The following SEC14L5 variants were observed in gnomAD, a reference collection of about 807,000 sequenced individuals.
SEC14L5 encodes the protein SEC14 like lipid binding 5, also known as SEC14-like protein 5.
In SEC14L5, 96 loss-of-function variants were observed where a neutral mutation model predicts 84.6. That is an observed-to-expected ratio of 1.13 (90% CI 0.96 to 1.34). The LOEUF (loss-of-function observed/expected upper bound fraction) is 1.34, where lower values mean the gene tolerates loss of function less well. SEC14L5 is among the 40% of genes most tolerant of loss of function. The pLI is 0.00. For missense variants in SEC14L5, 1,224 were observed against 942.5 expected (o/e 1.30, Z -3.91); for synonymous variants, 546 against 383.4 (o/e 1.42, Z -4.95).
At chr16:5,003,619 G>C in intron 11 of SEC14L5, 46 bp downstream of exon 11, 4 of 277,692 alleles carry the variant, frequency 1.4e-5, no homozygotes, top group Non-Finnish European at 2.8e-5. Context: ...GGGTGGGTGG[G>C]ATGGGAGGGG....
In SEC14L5 at chr16:4,987,673, G is replaced by A. The variant is rs775726356; in HGVS notation, c.180G>A (p.Arg60=). Residue 60 remains arginine, a synonymous_variant, in exon 3 of 16, where the codon CGG becomes CGA. Transcript: ENST00000251170. ...TGCACGTGGTGGAGCGGAGCTGCCG[G>A]CTGCGCGTGGACGCCCCGCGGCTGC... ...GAVHVVERSC[R]LRVDAPRLLR... is the part of the protein sequence containing the mutation. 1 of 1,542,172 alleles carries A rather than the reference G, an allele frequency of 6.5e-7. No individual in the cohort carries two copies. The highest frequency in any genetic ancestry group is 8.7e-7 in the Non-Finnish European group (1 of 1,146,816).
chr16:4,990,391 G>C (rs1395079945), intron 4 of SEC14L5, among the ~76,000 whole-genome samples: 1 of 152,218 alleles, frequency 6.6e-6, no homozygotes, highest in African/African-American at 2.4e-5. Context: ...TCCAAGTCCT[G>C]ACCTCAAATG....
intron 2 of SEC14L5, among the ~76,000 whole-genome samples, chr16:4,971,126 G>C (rs74673766): frequency 0.018 from 2,692 of 150,112 alleles, 98 homozygotes; most frequent in African/African-American, 0.063. Context: ...GCTGACTTTG[G>C]TCCTGTTGCA....
intron 3 of SEC14L5, 33 bp from the exon 4 acceptor site, chr16:4,988,116 C>T: frequency 6.2e-7 from 1 of 1,609,004 alleles, no homozygotes; most frequent in Non-Finnish European, 8.5e-7. Context: ...ACGCCGCCCA[C>T]CCACCTCCGC....
chr16:4,996,539 G>A, intron 7 of SEC14L5, 79 bp downstream of exon 7: 1 of 731,154 alleles, frequency 1.4e-6, no homozygotes, highest in South Asian at 1.6e-5. Flanking sequence ...GGAAGGAAAG[G>A]CGAGATGATA....
Position 5,008,532 on chromosome 16 carries a change from G to A in SEC14L5, c.1684G>A (p.Ala562Thr), listed in dbSNP as rs544613783. 5.6e-6 allele frequency: 9 copies of A among 1,609,082 alleles called. No homozygotes were observed. The East Asian group carries it at 1.1e-4, about 20-fold the overall frequency. Residue 562 changes from alanine to threonine, a missense_variant, in exon 14 of 16, where the codon GCC (alanine) becomes ACC (threonine). Transcript: ENST00000251170. ...CACCAAGCAGGCGCCCAGGCTGGGC[G>A]CCCGGGAACCGGGGACCAGGGCCAG... ...YHTKQAPRLG[A>T]REPGTRASGQ...
intron 2 of SEC14L5, among the ~76,000 whole-genome samples, chr16:4,984,750 G>C (rs999688166): frequency 2.0e-5 from 3 of 152,182 alleles, no homozygotes; most frequent in African/African-American, 7.2e-5. Flanking sequence ...ATGTGAAGTG[G>C]TATTTCATTG....
At chr16:4,994,720 C>A (rs183119946) in intron 6 of SEC14L5, among the ~76,000 whole-genome samples, 7 of 151,860 alleles carry the variant, frequency 4.6e-5, no homozygotes, top group Admixed American at 1.3e-4. Flanking sequence ...CTCCTGCCCC[C>A]TCCTGTGCAC....
At chr16:4,996,035 A>G (rs1955604820) in intron 6 of SEC14L5, among the ~76,000 whole-genome samples, 1 of 152,066 alleles carries the variant, frequency 6.6e-6, no homozygotes, top group East Asian at 1.9e-4. Context: ...GTAAGCCCAT[A>G]TTGTTAAGAA....
chr16:5,001,711 C>T (rs374244488), intron 10 of SEC14L5, among the ~76,000 whole-genome samples: 7 of 152,172 alleles, frequency 4.6e-5, no homozygotes, highest in African/African-American at 1.4e-4. Flanking sequence ...CCAGTACTTA[C>T]GGTGGCATCG....
At chr16:4,975,474 A>AAG (rs1486241188) in intron 2 of SEC14L5, among the ~76,000 whole-genome samples, 2 of 148,996 alleles carry the variant, frequency 1.3e-5, no homozygotes, top group African/African-American at 2.5e-5. Context: ...CTCCATCTCA[A>AAG]AAAAAAAAAA....
At chr16:4,999,954 A>G (rs1211788274) in intron 8 of SEC14L5, among the ~76,000 whole-genome samples, 1 of 151,902 alleles carries the variant, frequency 6.6e-6, no homozygotes. Context: ...CCAACAGACA[A>G]AAAACACCAC....
intron 15 of SEC14L5, 37 bp from the exon 16 acceptor site, chr16:5,014,822 G>T: frequency 2.6e-6 from 4 of 1,530,518 alleles, no homozygotes; most frequent in Non-Finnish European, 3.6e-6. Flanking sequence ...CCTTGTCACT[G>T]TGAGAGGGTA....
intron 8 of SEC14L5, among the ~76,000 whole-genome samples, chr16:4,997,898 A>G (rs1025749535): frequency 6.6e-6 from 1 of 151,730 alleles, no homozygotes; most frequent in East Asian, 1.9e-4. Flanking sequence ...GCCTCTTCTC[A>G]TAAGGACCCC....
Position 4,996,954 on chromosome 16 carries a change from C to T in SEC14L5, c.880C>T (p.Gln294Ter). Residue 294 changes from glutamine (Q) to a stop codon, truncating the protein, a stop_gained, in exon 8 of 16, where the codon CAG (glutamine) becomes TAG (stop). Coordinates refer to ENST00000251170, the MANE Select transcript of SEC14L5 (RefSeq NM_014692.2). LOFTEE classifies it high-confidence loss of function. ...GCGCCAGTCCTTGAGCTGGCGCAAG[C>T]AGCACCAGGTGGATCTCCTCCTTCA... The part of the protein sequence containing the change: ...MLRQSLSWRK[Q>*]HQVDLLLQTW... The T allele has an allele frequency of 2.5e-6, 4 of 1,613,472 alleles. No individual in the cohort carries two copies. The highest frequency in any genetic ancestry group is 3.4e-6 in the Non-Finnish European group (4 of 1,179,536).
intron 2 of SEC14L5, among the ~76,000 whole-genome samples, chr16:4,961,618 T>A (rs1215979025): frequency 6.6e-6 from 1 of 152,216 alleles, no homozygotes; most frequent in Non-Finnish European, 1.5e-5. Flanking sequence ...GGTGACTCAC[T>A]GCATCCGGCC....
chr16:4,964,134 G>A (rs759999195), intron 2 of SEC14L5, among the ~76,000 whole-genome samples: 3 of 152,218 alleles, frequency 2.0e-5, no homozygotes, highest in Non-Finnish European at 2.9e-5. Context: ...TTGAATGCCC[G>A]GGTCCCAGAA....
chr16:5,000,935 T>TG lies in SEC14L5; in HGVS notation c.1130+13dup, dbSNP rs781305541. 1 of 1,597,682 alleles carries TG rather than the reference T, an allele frequency of 6.3e-7. No homozygotes were observed. Among genetic ancestry groups the TG allele is most frequent in the South Asian group, 1.1e-5 (1 of 88,694 alleles). On this transcript the variant is annotated intron_variant, in intron 10 of 15. Transcript: ENST00000251170. ...TGGGCCGTCCCATCAGGCAAACACC[T>TG]GGGCTGGGCACAAATCCCCCCTAAA...
At chr16:4,998,467 G>A (rs1399448563) in intron 8 of SEC14L5, among the ~76,000 whole-genome samples, 1 of 151,278 alleles carries the variant, frequency 6.6e-6, no homozygotes, top group Admixed American at 6.6e-5. Context: ...GGCCGGGCGC[G>A]GTGGCTCACG....
Sources: gnomAD v4.1 joint callset for allele counts (sites outside exome capture counted in the v4.1 genomes callset) on GRCh38, gnomAD v4.1.1 for gene constraint, MANE v1.5 for transcripts, NCBI Gene and HGNC (gene_info 2026-07-23, HGNC 2026-07-21) for gene names.